The following NEK10 variants were observed in gnomAD, a reference collection of about 807,000 sequenced individuals.
NEK10 encodes the protein NIMA related kinase 10, also known as serine/threonine-protein kinase Nek10.
A neutral mutation model predicts 159.8 loss-of-function variants in NEK10; 122 were observed. That is an observed-to-expected ratio of 0.76 (90% confidence interval 0.66 to 0.89). The LOEUF (loss-of-function observed/expected upper bound fraction) is 0.89. Among genes scored for constraint, NEK10 ranks in the 40% least tolerant of loss-of-function variants. The probability of loss-of-function intolerance (pLI) is 0.00; values close to 1 mark genes in which losing one functional copy is unlikely to be tolerated. For synonymous variants in NEK10, 466 were observed against 457.1 expected, an observed-to-expected ratio of 1.02 and a Z score of -0.25; for missense variants, 1,342 against 1,323.1, an observed-to-expected ratio of 1.01 and a Z score of -0.22.
intron 5 of NEK10, among the ~76,000 whole-genome samples, chr3:27,339,285 T>C (rs1279054958): frequency 6.6e-6 from 1 of 152,188 alleles, no homozygotes; most frequent in African/African-American, 2.4e-5. Flanking sequence ...GAGAAAATTT[T>C]TGCAATCTAC....
intron 23 of NEK10, among the ~76,000 whole-genome samples, chr3:27,248,245 G>A (rs191202039): frequency 1.3e-5 from 2 of 151,730 alleles, no homozygotes; most frequent in East Asian, 1.9e-4. Context: ...GTATTTATTT[G>A]GGTCTTCTCC....
intron 16 of NEK10, among the ~76,000 whole-genome samples, chr3:27,292,553 G>A (rs900978641): frequency 2.0e-5 from 3 of 152,150 alleles, no homozygotes; most frequent in Non-Finnish European, 2.9e-5. Context: ...AGAATAAGTA[G>A]CTGGGTGTGG....
chr3:27,304,075 G>A (rs1434455799), intron 12 of NEK10, among the ~76,000 whole-genome samples: 4 of 152,148 alleles, frequency 2.6e-5, no homozygotes, highest in Non-Finnish European at 5.9e-5. Flanking sequence ...TACTTCTAGA[G>A]AATTTCAATT....
chr3:27,114,435 C>T (rs1462836434), intron 35 of NEK10, among the ~76,000 whole-genome samples: 1 of 152,118 alleles, frequency 6.6e-6, no homozygotes, highest in African/African-American at 2.4e-5. Flanking sequence ...TTACAAATCA[C>T]AACAGATCTA....
At chr3:27,300,322 C>T (rs993809631) in intron 13 of NEK10, among the ~76,000 whole-genome samples, 12 of 152,062 alleles carry the variant, frequency 7.9e-5, no homozygotes, top group Admixed American at 7.9e-4. Context: ...CACAAGCCCT[C>T]TCTTGCCTGC....
intron 31 of NEK10, 98 bp from the exon 32 acceptor site, chr3:27,132,088 C>G: frequency 9.2e-6 from 5 of 544,392 alleles, no homozygotes; most frequent in Non-Finnish European, 1.6e-5. Flanking sequence ...ACAATATTCA[C>G]TCAATAGGAC....
intron 1 of NEK10, among the ~76,000 whole-genome samples, chr3:27,357,298 C>T (rs185017134): frequency 3.7e-4 from 56 of 152,038 alleles, no homozygotes; most frequent in East Asian, 1.2e-3. Context: ...AATGGATGAA[C>T]GGATAAAAGG....
At chr3:27,322,098 T>C in intron 6 of NEK10, 79 bp downstream of exon 6, 1 of 701,164 alleles carries the variant, frequency 1.4e-6, no homozygotes, top group Non-Finnish European at 2.5e-6. Context: ...AAACATGGAC[T>C]ACTTCAAAGA....
At chr3:27,368,063 C>T (rs192117455) in intron 1 of NEK10, among the ~76,000 whole-genome samples, 20 of 152,134 alleles carry the variant, frequency 1.3e-4, no homozygotes, top group Admixed American at 5.9e-4. Context: ...GAGGCTGAGG[C>T]GGGTGGATCA....
chr3:27,135,092 C>G (rs969153902), intron 31 of NEK10, among the ~76,000 whole-genome samples: 1 of 152,118 alleles, frequency 6.6e-6, no homozygotes, highest in Non-Finnish European at 1.5e-5. Flanking sequence ...GCCACCATGA[C>G]TAGCATTACT....
intron 1 of NEK10, among the ~76,000 whole-genome samples, chr3:27,359,728 C>A (rs1489637821): frequency 1.3e-5 from 2 of 152,134 alleles, no homozygotes; most frequent in Non-Finnish European, 2.9e-5. Flanking sequence ...TTAAGGGAAG[C>A]TGAGTGAAGG....
intron 26 of NEK10, among the ~76,000 whole-genome samples, chr3:27,180,318 A>G (rs570957499): frequency 8.7e-5 from 13 of 149,188 alleles, no homozygotes; most frequent in African/African-American, 3.0e-4. Context: ...TCACTTGAAC[A>G]TGGGAGGTGG....
intron 31 of NEK10, among the ~76,000 whole-genome samples, chr3:27,132,380 C>T (rs530132463): frequency 1.4e-4 from 22 of 152,264 alleles, no homozygotes; most frequent in African/African-American, 5.3e-4. Flanking sequence ...ACACTGTAGC[C>T]TTGGTACTAT....
At chr3:27,210,118 C>T (rs6765909) in intron 23 of NEK10, among the ~76,000 whole-genome samples, 63,439 of 151,918 alleles carry the variant, frequency 0.42, 14,314 homozygotes, top group African/African-American at 0.6. Context: ...GTCTGTTTTC[C>T]GTTTCTGTTC....
chr3:27,256,815 A>G (rs1430610953), intron 22 of NEK10, among the ~76,000 whole-genome samples: 1 of 152,034 alleles, frequency 6.6e-6, no homozygotes, highest in East Asian at 1.9e-4. Flanking sequence ...TCAACAACAT[A>G]TTCTGATTTT....
At chr3:27,258,677 T>A (rs2040111381) in intron 22 of NEK10, among the ~76,000 whole-genome samples, 1 of 152,142 alleles carries the variant, frequency 6.6e-6, no homozygotes, top group Admixed American at 6.5e-5. Flanking sequence ...CGCAATAAAC[T>A]TACGTGTTCA....
intron 16 of NEK10, among the ~76,000 whole-genome samples, chr3:27,293,314 G>A (rs1176701543): frequency 3.3e-5 from 5 of 152,170 alleles, no homozygotes; most frequent in African/African-American, 1.2e-4. Flanking sequence ...CAAAAAGAAA[G>A]CTAAAATCAC....
intron 28 of NEK10, among the ~76,000 whole-genome samples, chr3:27,172,611 T>C (rs1377478474): frequency 2.0e-5 from 3 of 151,980 alleles, no homozygotes; most frequent in Non-Finnish European, 2.9e-5. Context: ...AAGGGGAGAT[T>C]TGAAATGTTT....
chr3:27,288,087 T>C (rs891017827), intron 19 of NEK10, among the ~76,000 whole-genome samples: 1 of 152,214 alleles, frequency 6.6e-6, no homozygotes, highest in African/African-American at 2.4e-5. Context: ...ACACAGACTG[T>C]ATAAAGGAGA....
Sources: gnomAD v4.1 joint callset for allele counts (sites outside exome capture counted in the v4.1 genomes callset) on GRCh38, gnomAD v4.1.1 for gene constraint, MANE v1.5 for transcripts, NCBI Gene and HGNC (gene_info 2026-07-23, HGNC 2026-07-21) for gene names.